The following XPO4 variants were observed in gnomAD, a reference collection of about 807,000 sequenced individuals.
XPO4 encodes exportin-4.
In XPO4, 39 loss-of-function variants were observed where a neutral mutation model predicts 143.0. That is an observed-to-expected ratio of 0.27 (90% confidence interval 0.21 to 0.36). The LOEUF is 0.36. XPO4 is among the 10% of genes least tolerant of loss of function. XPO4 has a pLI of 1.00. For synonymous variants in XPO4, 439 were observed against 474.0 expected (o/e 0.93, Z 0.96); for missense variants, 907 against 1,348.0 (o/e 0.67, Z 5.12).
chr13:20,849,857 G>A (rs1356027418), intron 4 of XPO4: 63 of 966,796 alleles, frequency 6.5e-5, no homozygotes, highest in Non-Finnish European at 7.6e-5. Context: ...TGTAATCCCA[G>A]CACTTTGGGA....
At chr13:20,798,950 G>C (rs2059394836) in intron 16 of XPO4, among the ~76,000 whole-genome samples, 1 of 151,802 alleles carries the variant, frequency 6.6e-6, no homozygotes, top group South Asian at 2.1e-4. Context: ...GAACCTGGGA[G>C]GTAGAGGCTG....
intron 1 of XPO4, among the ~76,000 whole-genome samples, chr13:20,880,081 A>T (rs2060392450): frequency 6.6e-6 from 1 of 152,226 alleles, no homozygotes; most frequent in African/African-American, 2.4e-5. Context: ...GATGTGGAGA[A>T]ACTGGAACCT....
chr13:20,795,616 G>A (rs2059348048), intron 18 of XPO4, among the ~76,000 whole-genome samples: 1 of 152,150 alleles, frequency 6.6e-6, no homozygotes. Context: ...GAAAGTGCTA[G>A]GGTTTCTGGG....
rs754219980 is a variant in XPO4, at chr13:20,828,240, AAAAC to A, written c.728-1065_728-1062del. 1.7e-3 allele frequency among the ~76,000 whole-genome samples: 265 copies of A among 152,294 alleles called. 1 individual carries two copies. The highest frequency in any genetic ancestry group is 6.8e-3 in the Middle Eastern group (2 of 294). ...GGGTGGCAGGGAGAGGCTCTGTCTCAAAACAAACAAACAAACAAAAAACAGTGGT... is the reference window on the plus strand; with the variant it reads ...GGGTGGCAGGGAGAGGCTCTGTCTCAAAACAAACAAACAAAAAACAGTGGT... On this transcript the variant is annotated intron_variant, in intron 6 of 22. Coordinates refer to ENST00000255305, the MANE Select transcript of XPO4 (RefSeq NM_022459.5).
At chr13:20,801,693 T>C (rs1366344507) in intron 13 of XPO4, among the ~76,000 whole-genome samples, 1 of 152,190 alleles carries the variant, frequency 6.6e-6, no homozygotes, top group Non-Finnish European at 1.5e-5. Context: ...ATATTTAACC[T>C]GACTTTAGCC....
chr13:20,890,924 C>T (rs1174513581), intron 1 of XPO4, among the ~76,000 whole-genome samples: 1 of 151,322 alleles, frequency 6.6e-6, no homozygotes, highest in African/African-American at 2.4e-5. Context: ...CCTGACCGGA[C>T]CAACATAGAG....
At chr13:20,808,274 G>C (rs908090906) in intron 12 of XPO4, among the ~76,000 whole-genome samples, 162 bp downstream of exon 12, 2 of 152,166 alleles carry the variant, frequency 1.3e-5, no homozygotes, top group African/African-American at 4.8e-5. Context: ...ATATTAGCCA[G>C]TATTTTTTAA....
chr13:20,822,419 TAAACTA>T, intron 7 of XPO4, 130 bp from the exon 8 acceptor site: 1 of 787,168 alleles, frequency 1.3e-6, no homozygotes, highest in Non-Finnish European at 1.9e-6. Flanking sequence ...ATTCCTGAAT[TAAACTA>T]AATTGAAAAT....
rs531674353 is a variant in XPO4 at position 20,861,858 on chromosome 13, G to A, written c.317+859C>T. 2.7e-4 allele frequency among the ~76,000 whole-genome samples: 37 copies of A among 138,366 alleles called. 1 individual carries two copies. Among genetic ancestry groups the A allele is most frequent in the African/African-American group, 9.8e-4 (35 of 35,860 alleles). The allele number at this position is 138,366 out of a possible 152,430, so 90.8% of individuals were successfully genotyped here. ...TGGAGTGCAGTGATGCAATGATCTC[G>A]GCTCACTGCAACCTCTGCCTCCCAG... is the stretch of plus-strand genomic sequence containing the variant. On this transcript the variant is annotated intron_variant, in intron 3 of 22. Coordinates refer to ENST00000255305, the MANE Select transcript of XPO4 (RefSeq NM_022459.5).
Position 20,796,231 on chromosome 13 carries a change from G to A in XPO4, c.2642C>T (p.Ala881Val). 6.2e-7 allele frequency: 1 copy of A among 1,608,860 alleles called. No individual in the cohort carries two copies. Among genetic ancestry groups the A allele is most frequent in the Non-Finnish European group, 8.5e-7 (1 of 1,178,316 alleles). ...GESKAMNLYE[A>V]CLTLLQVYSK... ...ATACACTTGCAACAAAGTAAGGCAG[G>A]CTTCATATAAGTTCATAGCTTTGGA... is the stretch of plus-strand genomic sequence containing the variant. The change falls in exon 18 of 23, where the codon GCC (alanine) becomes GTC (valine). Residue 881 changes from alanine to valine, a missense_variant. By Grantham distance (64) the Ala-to-Val change is moderately conservative. Transcript: ENST00000255305.
At chr13:20,871,369 G>A (rs1416089726) in intron 1 of XPO4, among the ~76,000 whole-genome samples, 1 of 152,104 alleles carries the variant, frequency 6.6e-6, no homozygotes, top group Non-Finnish European at 1.5e-5. Context: ...GTCCAGGCTG[G>A]AGTGCAGTGG....
chr13:20,887,684 A>G (rs1022313976), intron 1 of XPO4, among the ~76,000 whole-genome samples: 1 of 151,154 alleles, frequency 6.6e-6, no homozygotes, highest in Non-Finnish European at 1.5e-5. Flanking sequence ...GTGAAACCTC[A>G]TCTCTACTCA....
chr13:20,836,035 T>G (rs1470248060), intron 6 of XPO4, among the ~76,000 whole-genome samples: 1 of 152,220 alleles, frequency 6.6e-6, no homozygotes, highest in East Asian at 1.9e-4. Context: ...AAGTACCAAC[T>G]GACCGTTTAT....
chr13:20,891,863 C>CAAA lies in XPO4; in HGVS notation c.69+10804_69+10806dup, dbSNP rs61114008. Among the ~76,000 whole-genome samples, 318 of 129,210 alleles carry CAAA rather than the reference C, an allele frequency of 2.5e-3. 1 individual carries two copies. The highest frequency in any genetic ancestry group is 0.013 in the East Asian group (56 of 4,320). The allele number at this position is 129,210 out of a possible 152,430, so 84.8% of individuals were successfully genotyped here. A position where few individuals can be genotyped will look rare whatever the true frequency, so the allele number is the denominator to read the frequency against. Reference sequence around the variant, plus strand: ...GGGTGACAGAGCAAGACTCCATCTCCAAAAAAAAAAAAAAAGATAGGGTCT... The same window carrying CAAA: ...GGGTGACAGAGCAAGACTCCATCTCCAAAAAAAAAAAAAAAAAAGATAGGGTCT... On this transcript the variant is annotated intron_variant, in intron 1 of 22. Transcript: ENST00000255305.
In XPO4 at chr13:20,881,125, T is replaced by A. The variant is rs1260218465; in HGVS notation, c.70-12424A>T. ...AAATTCATAGAAAGTGGAATCATGG[T>A]TACCAGGGATTAGAGGCAGGAGGAA... On this transcript the variant is annotated intron_variant, in intron 1 of 22. Transcript: ENST00000255305. Among the ~76,000 whole-genome samples the A allele has an allele frequency of 7.2e-5, 11 of 152,146 alleles. 1 individual carries two copies. The highest frequency in any genetic ancestry group is 7.2e-4 in the Admixed American group (11 of 15,272).
intron 4 of XPO4, among the ~76,000 whole-genome samples, chr13:20,845,641 T>C (rs2060022401): frequency 6.6e-6 from 1 of 152,224 alleles, no homozygotes; most frequent in African/African-American, 2.4e-5. Context: ...CCCTTCATTT[T>C]TTTAGTTAAC....
At chr13:20,883,368 A>G (rs960695800) in intron 1 of XPO4, among the ~76,000 whole-genome samples, 2 of 152,248 alleles carry the variant, frequency 1.3e-5, no homozygotes, top group Non-Finnish European at 2.9e-5. Flanking sequence ...ATCCCAAACT[A>G]AATGAAAAGG....
intron 4 of XPO4, among the ~76,000 whole-genome samples, chr13:20,854,783 A>C (rs942576914): frequency 6.6e-6 from 1 of 152,118 alleles, no homozygotes; most frequent in Admixed American, 6.5e-5. Context: ...AGCTCTCTAA[A>C]AGGTGGACAG....
intron 6 of XPO4, among the ~76,000 whole-genome samples, chr13:20,833,287 C>A (rs560173740): frequency 2.0e-5 from 3 of 152,252 alleles, no homozygotes; most frequent in East Asian, 3.9e-4. Context: ...CATGCTTTCA[C>A]GGAGCTTCGC....
Sources: gnomAD v4.1 joint callset for allele counts (sites outside exome capture counted in the v4.1 genomes callset) on GRCh38, gnomAD v4.1.1 for gene constraint, MANE v1.5 for transcripts, NCBI Gene and HGNC (gene_info 2026-07-23, HGNC 2026-07-21) for gene names.